The following MCF2L2 variants were observed in gnomAD, a reference collection of about 807,000 sequenced individuals.
The protein encoded by MCF2L2 is probable guanine nucleotide exchange factor MCF2L2.
A neutral mutation model predicts 150.2 loss-of-function variants in MCF2L2; 102 were observed. That is an observed-to-expected ratio of 0.68 (90% CI 0.58 to 0.80). The LOEUF is 0.80. MCF2L2 is among the 30% of genes least tolerant of loss of function. The pLI is 0.00. For synonymous variants in MCF2L2, 465 were observed against 491.3 expected (o/e 0.95, Z 0.71); for missense variants, 1,256 against 1,372.8 (o/e 0.91, Z 1.34).
At position 183,340,862 on chromosome 3, in the gene MCF2L2, G is replaced by A. The variant is rs557428655; in HGVS notation, c.366+678C>T. On this transcript the variant is annotated intron_variant, in intron 4 of 29. Coordinates refer to ENST00000328913, the MANE Select transcript of MCF2L2 (RefSeq NM_015078.4). ...GGAGGCTGAGGCAGGAGAATCTCTC[G>A]AACCCGGGAGGCAGAGGTTGCAGTC... is the stretch of plus-strand genomic sequence containing the variant. Among the ~76,000 whole-genome samples, 42 of 152,278 alleles carry A rather than the reference G, an allele frequency of 2.8e-4. 1 individual carries two copies. The South Asian group carries it at 7.5e-3, about 27-fold the overall frequency.
intron 3 of MCF2L2, among the ~76,000 whole-genome samples, chr3:183,345,780 T>C (rs1336633762): frequency 6.6e-6 from 1 of 152,162 alleles, no homozygotes; most frequent in Non-Finnish European, 1.5e-5. Flanking sequence ...CATCAGAGAA[T>C]ACTATAAACA....
intron 5 of MCF2L2, among the ~76,000 whole-genome samples, chr3:183,337,743 A>G (rs182627781): frequency 3.3e-5 from 5 of 152,284 alleles, no homozygotes; most frequent in Admixed American, 1.3e-4. Flanking sequence ...TTAATAATGA[A>G]TATCGCTGTC....
intron 15 of MCF2L2, among the ~76,000 whole-genome samples, chr3:183,239,306 G>A (rs906168639): frequency 8.5e-5 from 13 of 152,066 alleles, no homozygotes; most frequent in Non-Finnish European, 1.5e-4. Context: ...GGGAAATGGA[G>A]GTATAATGTG....
At chr3:183,361,375 T>C (rs944519411) in intron 3 of MCF2L2, among the ~76,000 whole-genome samples, 1 of 152,198 alleles carries the variant, frequency 6.6e-6, no homozygotes, top group African/African-American at 2.4e-5. Flanking sequence ...TCATGTGGAA[T>C]TGTAATCCCC....
intron 15 of MCF2L2, among the ~76,000 whole-genome samples, chr3:183,234,282 G>A (rs559876073): frequency 2.2e-4 from 34 of 152,276 alleles, no homozygotes; most frequent in Admixed American, 1.8e-3. Flanking sequence ...ATTAAAGGAA[G>A]TCAGAAGGCA....
At chr3:183,198,481 C>T (rs1412344761) in intron 25 of MCF2L2, among the ~76,000 whole-genome samples, 1 of 152,084 alleles carries the variant, frequency 6.6e-6, no homozygotes, top group Admixed American at 6.6e-5. Flanking sequence ...AAACCTTTGG[C>T]GGTGATAGGC....
chr3:183,350,481 T>C (rs990848079), intron 3 of MCF2L2, among the ~76,000 whole-genome samples: 1 of 152,202 alleles, frequency 6.6e-6, no homozygotes, highest in Non-Finnish European at 1.5e-5. Flanking sequence ...GCACAAATAC[T>C]CTTTGATATG....
chr3:183,348,187 G>A (rs1173844997), intron 3 of MCF2L2, among the ~76,000 whole-genome samples: 1 of 152,152 alleles, frequency 6.6e-6, no homozygotes, highest in Non-Finnish European at 1.5e-5. Context: ...TAAAAAAAAT[G>A]TGGTTCATAT....
intron 1 of MCF2L2, among the ~76,000 whole-genome samples, chr3:183,415,733 T>C (rs1715555242): frequency 6.6e-6 from 1 of 152,194 alleles, no homozygotes; most frequent in Non-Finnish European, 1.5e-5. Context: ...CCCATCCTTT[T>C]ACTTTTTTAT....
chr3:183,300,604 A>G (rs966992905), intron 10 of MCF2L2, among the ~76,000 whole-genome samples: 1 of 152,202 alleles, frequency 6.6e-6, no homozygotes, highest in Admixed American at 6.5e-5. Context: ...CCTATTAACT[A>G]AAGGAACAAG....
chr3:183,330,115 C>T (rs1298947), intron 5 of MCF2L2, among the ~76,000 whole-genome samples: 20 of 150,246 alleles, frequency 1.3e-4, no homozygotes, highest in East Asian at 7.8e-4. Context: ...CATGGTGGTG[C>T]GCACCTGTAG....
At chr3:183,400,751 C>A (rs1368902981) in intron 1 of MCF2L2, among the ~76,000 whole-genome samples, 7 of 151,718 alleles carry the variant, frequency 4.6e-5, no homozygotes, top group African/African-American at 1.7e-4. Flanking sequence ...CAATGAGAAT[C>A]AGAATTTTTT....
chr3:183,195,992 G>A (rs753553002), intron 25 of MCF2L2, among the ~76,000 whole-genome samples: 1 of 152,054 alleles, frequency 6.6e-6, no homozygotes, highest in Non-Finnish European at 1.5e-5. Context: ...CACCCACCCT[G>A]CTGCCTGCCC....
At chr3:183,253,642 C>T (rs1417563103) in intron 15 of MCF2L2, 1 of 152,298 alleles carries the variant, frequency 6.6e-6, no homozygotes, top group African/African-American at 2.4e-5. Context: ...TAACAAGACC[C>T]GCCTGAGCCT....
chr3:183,362,997 G>A (rs968678759), intron 3 of MCF2L2, among the ~76,000 whole-genome samples: 5 of 152,000 alleles, frequency 3.3e-5, no homozygotes, highest in Non-Finnish European at 5.9e-5. Flanking sequence ...GACCTAAACA[G>A]CACCTTACTA....
intron 11 of MCF2L2, 195 bp downstream of exon 11, chr3:183,299,810 G>T: frequency 1.8e-6 from 1 of 561,924 alleles, no homozygotes. Flanking sequence ...GGGATGGCCA[G>T]AGCACTTTTT....
intron 1 of MCF2L2, among the ~76,000 whole-genome samples, chr3:183,390,630 T>C (rs1714087422): frequency 6.6e-6 from 1 of 152,192 alleles, no homozygotes. Flanking sequence ...CAGGGAATCT[T>C]AAAGAATAAA....
At chr3:183,370,877 C>T (rs1021246518) in intron 3 of MCF2L2, among the ~76,000 whole-genome samples, 1 of 152,236 alleles carries the variant, frequency 6.6e-6, no homozygotes, top group Admixed American at 6.5e-5. Flanking sequence ...AAAATCTAGC[C>T]TCTCTGGTAT....
In MCF2L2 at chr3:183,270,815, TA is replaced by T; in HGVS notation, c.1862+6056del. On this transcript the variant is annotated intron_variant, in intron 15 of 29. Coordinates refer to ENST00000328913, the MANE Select transcript of MCF2L2 (RefSeq NM_015078.4). This position sits in a 1 kb window ranked among gnomAD's most constrained non-coding sequence, Gnocchi z 4.5. ...ACCTTTGGAAGAATGCTACAGATCC[TA>T]AAGTAAAAACCATTTCCAAAGGTTT... 6.2e-7 allele frequency: 1 copy of T among 1,613,950 alleles called. No individual in the cohort carries two copies. The highest frequency in any genetic ancestry group is 1.3e-5 in the African/African-American group (1 of 75,042).
Sources: allele counts gnomAD v4.1 joint callset (sites outside exome capture counted in the v4.1 genomes callset), GRCh38; gene constraint gnomAD v4.1.1; non-coding constraint Gnocchi (gnomAD v3.1); transcripts MANE v1.5; gene names NCBI Gene and HGNC (gene_info 2026-07-23, HGNC 2026-07-21).